The following PRKCQ variants were observed in gnomAD, a reference collection of about 807,000 sequenced individuals.
The protein encoded by PRKCQ is protein kinase C theta, also known as protein kinase C theta type.
PRKCQ carries 41 observed loss-of-function variants against 91.2 expected under a neutral mutation model. The observed-to-expected ratio is 0.45, with a 90% CI of 0.35 to 0.58. PRKCQ has a LOEUF of 0.58. Ranked by LOEUF, PRKCQ falls within the 20% of genes least tolerant of loss-of-function variation. The pLI, the probability that PRKCQ is intolerant of heterozygous loss-of-function variation, is 0.00. For synonymous variants in PRKCQ, 307 were observed against 316.9 expected (o/e 0.97, Z 0.33); for missense variants, 673 against 896.5 (o/e 0.75, Z 3.18).
chr10:6,418,176 T>C, the PRKCQ span, among the ~76,000 whole-genome samples: 2 of 152,358 alleles, frequency 1.3e-5, no homozygotes, highest in East Asian at 1.9e-4. Context: ...TTTTAAAATA[T>C]CACCTGTGAA....
In PRKCQ at chr10:6,577,090, G is replaced by A. The variant is rs911446108; in HGVS notation, c.-10+3121C>T. ...TTAATACTATTAGCTTAATTCAAAA[G>A]CTAACATCAACCTACAGCAACCTGC... On this transcript the variant is annotated intron_variant, in intron 1 of 17. Transcript: ENST00000263125. Among the ~76,000 whole-genome samples the A allele has an allele frequency of 2.0e-5, 3 of 152,012 alleles. No individual in the cohort carries two copies. The South Asian group carries it at 6.2e-4, about 31-fold the overall frequency.
At chr10:6,507,569 C>T in intron 3 of PRKCQ, 73 bp from the exon 4 acceptor site, 2 of 1,275,406 alleles carry the variant, frequency 1.6e-6, no homozygotes, top group South Asian at 1.2e-5. Flanking sequence ...TCACTGGCTA[C>T]TGACGATGGC....
chr10:6,511,238 C>A, intron 2 of PRKCQ, 44 bp from the exon 3 acceptor site: 1 of 1,582,276 alleles, frequency 6.3e-7, no homozygotes, highest in Non-Finnish European at 8.7e-7. Flanking sequence ...TCAGCCAGGC[C>A]TGGAAAATAA....
At chr10:6,460,587 G>A (rs1230837362) in intron 14 of PRKCQ, among the ~76,000 whole-genome samples, 1 of 151,990 alleles carries the variant, frequency 6.6e-6, no homozygotes, top group Non-Finnish European at 1.5e-5. Flanking sequence ...CGCCTAACAG[G>A]TTCAAGTGAT....
At chr10:6,451,098 G>C (rs1180612443) in intron 15 of PRKCQ, among the ~76,000 whole-genome samples, 3 of 150,938 alleles carry the variant, frequency 2.0e-5, no homozygotes, top group Non-Finnish European at 4.4e-5. Flanking sequence ...GAAGGAAATA[G>C]AGACACAAAA....
intron 15 of PRKCQ, among the ~76,000 whole-genome samples, chr10:6,444,710 AC>A (rs1834159414): frequency 4.4e-3 from 2 of 454 alleles, no homozygotes; most frequent in African/African-American, 6.3e-3. Flanking sequence ...ACATAAATAC[AC>A]ACACACACAC....
chr10:6,555,547 T>G (rs966067979), intron 1 of PRKCQ, among the ~76,000 whole-genome samples: 4 of 152,254 alleles, frequency 2.6e-5, no homozygotes, highest in African/African-American at 9.6e-5. Context: ...TTCATTGTTG[T>G]GTATGCGTAT....
At chr10:6,398,662 A>G in the PRKCQ span, among the ~76,000 whole-genome samples, 91 of 152,242 alleles carry the variant, frequency 6.0e-4, no homozygotes, top group Admixed American at 2.1e-3. Context: ...GCTGGGAGAG[A>G]GAGAGAAAGG....
Position 6,456,877 on chromosome 10 carries a change from T to G in PRKCQ, c.1509-65A>C, listed in dbSNP as rs150274977. ...ATAATTTGGTTAACATAAAATTCCA[T>G]AGGAGGCGAGGGAGTTTGTCTCATT... is the stretch of plus-strand genomic sequence containing the variant. On this transcript the variant is annotated intron_variant, in intron 14 of 17. Transcript: ENST00000263125. 8.5e-5 allele frequency: 133 copies of G among 1,558,998 alleles called. 1 individual carries two copies. In the Admixed American group the frequency reaches 2.2e-3, roughly 26 times the overall value.
intron 1 of PRKCQ, among the ~76,000 whole-genome samples, chr10:6,530,638 A>G (rs889800496): frequency 6.6e-5 from 10 of 152,338 alleles, no homozygotes; most frequent in African/African-American, 2.4e-4. Flanking sequence ...AGCTGGGTCT[A>G]TCTGGGCAGA....
chr10:6,440,282 C>G (rs879372056), intron 16 of PRKCQ, among the ~76,000 whole-genome samples: 1 of 152,182 alleles, frequency 6.6e-6, no homozygotes, highest in Non-Finnish European at 1.5e-5. Flanking sequence ...ATCTGCTGGG[C>G]AGGAAACCAA....
chr10:6,558,881 C>T (rs147089690), intron 1 of PRKCQ, among the ~76,000 whole-genome samples: 1 of 152,254 alleles, frequency 6.6e-6, no homozygotes, highest in Non-Finnish European at 1.5e-5. Flanking sequence ...CAGAGCTGAA[C>T]TAGGGCTATT....
At chr10:6,472,309 G>T (rs781653291) in intron 12 of PRKCQ, among the ~76,000 whole-genome samples, 1 of 151,478 alleles carries the variant, frequency 6.6e-6, no homozygotes. Flanking sequence ...CTCCATCTCA[G>T]AAAAAAACAA....
intron 4 of PRKCQ, among the ~76,000 whole-genome samples, chr10:6,502,999 T>C (rs1838001748): frequency 6.6e-6 from 1 of 152,212 alleles, no homozygotes; most frequent in Non-Finnish European, 1.5e-5. Context: ...TAATACCATC[T>C]GTTTGTAACA....
At chr10:6,486,781 C>A (rs1836946724) in intron 8 of PRKCQ, among the ~76,000 whole-genome samples, 1 of 152,248 alleles carries the variant, frequency 6.6e-6, no homozygotes, top group Non-Finnish European at 1.5e-5. Flanking sequence ...GGGTCCAAAA[C>A]ATCCCCTTTC....
At chr10:6,413,817 G>A in the PRKCQ span, among the ~76,000 whole-genome samples, 1 of 141,470 alleles carries the variant, frequency 7.1e-6, no homozygotes, top group Non-Finnish European at 1.5e-5. Context: ...AATGCCACTT[G>A]TGCGCGTGCA....
At chr10:6,421,559 C>T in the PRKCQ span, among the ~76,000 whole-genome samples, 1 of 152,150 alleles carries the variant, frequency 6.6e-6, no homozygotes, top group Admixed American at 6.5e-5. This position sits in a 1 kb window ranked among gnomAD's most constrained non-coding sequence, Gnocchi z 4.1. Flanking sequence ...TAGTGGCTAC[C>T]ATACTGTGCA....
intron 14 of PRKCQ, among the ~76,000 whole-genome samples, chr10:6,458,232 C>G (rs1835129140): frequency 2.6e-5 from 4 of 152,180 alleles, no homozygotes; most frequent in Admixed American, 2.6e-4. Context: ...CTGCGCCTGG[C>G]CAGCTCTGAG....
intron 1 of PRKCQ, among the ~76,000 whole-genome samples, chr10:6,575,980 C>A (rs753156754): frequency 1.3e-5 from 2 of 152,130 alleles, no homozygotes; most frequent in Non-Finnish European, 2.9e-5. Context: ...GTAGAGGTTG[C>A]AGTGAGCTGA....
Sources: allele counts gnomAD v4.1 joint callset (sites outside exome capture counted in the v4.1 genomes callset), GRCh38; gene constraint gnomAD v4.1.1; non-coding constraint Gnocchi (gnomAD v3.1); transcripts MANE v1.5; gene names NCBI Gene and HGNC (gene_info 2026-07-23, HGNC 2026-07-21).